RNF150: variants seen among roughly 807,000 people sequenced by gnomAD.
RNF150 encodes the protein ring finger protein 150.
RNF150 carries 24 observed loss-of-function variants against 39.3 expected under a neutral mutation model. The observed-to-expected ratio is 0.61, with a 90% CI of 0.44 to 0.86. The LOEUF is 0.86. Ranked by LOEUF, RNF150 falls within the 40% of genes least tolerant of loss-of-function variation. The pLI, the probability that RNF150 is intolerant of heterozygous loss-of-function variation, is 0.00. For synonymous variants in RNF150, 255 were observed against 227.3 expected (o/e 1.12, Z -1.10); for missense variants, 502 against 587.8 (o/e 0.85, Z 1.51).
At chr4:141,038,270 A>C (rs1439777750) in intron 1 of RNF150, among the ~76,000 whole-genome samples, 1 of 152,214 alleles carries the variant, frequency 6.6e-6, no homozygotes, top group Admixed American at 6.5e-5. Context: ...CTCAGACTGC[A>C]ACCTTGGGTA....
chr4:140,974,995 C>T (rs1348111379), intron 1 of RNF150, among the ~76,000 whole-genome samples: 3 of 152,094 alleles, frequency 2.0e-5, no homozygotes, highest in Non-Finnish European at 4.4e-5. Context: ...GGGTCTCACA[C>T]CTGTAATCTC....
At chr4:140,979,049 C>T (rs1398155258) in intron 1 of RNF150, among the ~76,000 whole-genome samples, 1 of 152,088 alleles carries the variant, frequency 6.6e-6, no homozygotes, top group Non-Finnish European at 1.5e-5. Flanking sequence ...TCCAGGACCC[C>T]CACATATACC....
At chr4:140,987,221 C>T (rs1279017860) in intron 1 of RNF150, among the ~76,000 whole-genome samples, 2 of 152,010 alleles carry the variant, frequency 1.3e-5, no homozygotes, top group East Asian at 1.9e-4. Flanking sequence ...AATACTATTC[C>T]TATCAAAATA....
chr4:140,998,507 T>C (rs1185523253), intron 1 of RNF150, among the ~76,000 whole-genome samples: 3 of 152,172 alleles, frequency 2.0e-5, no homozygotes, highest in African/African-American at 7.2e-5. Flanking sequence ...TAAGTGTCTG[T>C]TGTTTAGGCT....
chr4:141,127,070 T>C (rs1726771604), intron 1 of RNF150, among the ~76,000 whole-genome samples: 2 of 152,134 alleles, frequency 1.3e-5, no homozygotes, highest in East Asian at 1.9e-4. Context: ...GCCTTCAGAA[T>C]ACCCTTTCAA....
chr4:140,986,389 G>A (rs6537024), intron 1 of RNF150, among the ~76,000 whole-genome samples: 28,117 of 151,908 alleles, frequency 0.19, 2,725 homozygotes, highest in Middle Eastern at 0.25. Flanking sequence ...AAATGGTTTT[G>A]TTCTTTCTGA....
intron 1 of RNF150, among the ~76,000 whole-genome samples, chr4:141,100,485 A>C (rs371951973): frequency 1.3e-5 from 2 of 152,212 alleles, no homozygotes; most frequent in East Asian, 1.9e-4. Flanking sequence ...AAGTAATGCT[A>C]TCAAGGACGT....
At chr4:141,037,563 T>C (rs565876960) in intron 1 of RNF150, among the ~76,000 whole-genome samples, 1 of 152,300 alleles carries the variant, frequency 6.6e-6, no homozygotes, top group Admixed American at 6.5e-5. Context: ...TTAGTCCCAG[T>C]TTCCCAATAA....
At chr4:141,087,185 G>A (rs988306919) in intron 1 of RNF150, among the ~76,000 whole-genome samples, 16 of 151,872 alleles carry the variant, frequency 1.1e-4, no homozygotes, top group African/African-American at 3.9e-4. Flanking sequence ...GTTGCCTTGC[G>A]TTCATAAGTT....
intron 6 of RNF150, among the ~76,000 whole-genome samples, chr4:140,879,605 T>C (rs540815180): frequency 6.6e-6 from 1 of 152,264 alleles, no homozygotes; most frequent in East Asian, 1.9e-4. Flanking sequence ...GAAGGATCAC[T>C]TGAGTCCAGG....
At chr4:141,070,493 G>A (rs1425341585) in intron 1 of RNF150, among the ~76,000 whole-genome samples, 3 of 147,872 alleles carry the variant, frequency 2.0e-5, no homozygotes, top group African/African-American at 7.4e-5. Flanking sequence ...CTGACAAAGG[G>A]CTAATATCCA....
At chr4:141,078,394 T>C (rs958816728) in intron 1 of RNF150, among the ~76,000 whole-genome samples, 1 of 152,142 alleles carries the variant, frequency 6.6e-6, no homozygotes, top group Non-Finnish European at 1.5e-5. Context: ...GCTTCTCTGT[T>C]TTGCAAGGGA....
chr4:140,879,183 C>A (rs1454387888), intron 6 of RNF150, among the ~76,000 whole-genome samples: 1 of 152,146 alleles, frequency 6.6e-6, no homozygotes, highest in African/African-American at 2.4e-5. Context: ...GTGAGGCCTT[C>A]AATTTTGTTC....
At chr4:141,160,379 T>C (rs1345349237) in intron 1 of RNF150, among the ~76,000 whole-genome samples, 1 of 152,222 alleles carries the variant, frequency 6.6e-6, no homozygotes, top group Non-Finnish European at 1.5e-5. Flanking sequence ...ATAAATCTTA[T>C]CCCAAGCATC....
At chr4:141,180,405 T>C (rs907144292) in intron 1 of RNF150, among the ~76,000 whole-genome samples, 12 of 152,186 alleles carry the variant, frequency 7.9e-5, no homozygotes, top group Non-Finnish European at 1.0e-4. Flanking sequence ...CTGGGTTTCA[T>C]GCTACCCCAG....
intron 6 of RNF150, among the ~76,000 whole-genome samples, chr4:140,871,512 C>T (rs1321586660): frequency 2.0e-5 from 3 of 152,158 alleles, no homozygotes; most frequent in Admixed American, 6.5e-5. Flanking sequence ...ATTTCCACTT[C>T]TTTTCTTGCA....
chr4:141,032,937 T>A (rs1736008032), intron 1 of RNF150, among the ~76,000 whole-genome samples: 1 of 152,220 alleles, frequency 6.6e-6, no homozygotes, highest in Admixed American at 6.5e-5. Context: ...AGTTATAATC[T>A]TTTTGCCAGT....
At chr4:141,124,129 C>G (rs1460584656) in intron 1 of RNF150, among the ~76,000 whole-genome samples, 2 of 152,174 alleles carry the variant, frequency 1.3e-5, no homozygotes, top group Non-Finnish European at 2.9e-5. Context: ...CTGAGGCGCC[C>G]CACTGCACTC....
rs1401634745 is a variant in RNF150, at chr4:140,956,358, T to C, written c.736-6986A>G. Among the ~76,000 whole-genome samples, 3 of 152,282 alleles carry C rather than the reference T, an allele frequency of 2.0e-5. No homozygotes were observed. In the East Asian group the frequency reaches 5.8e-4, roughly 29 times the overall value. On this transcript the variant is annotated intron_variant, in intron 2 of 6. Transcript: ENST00000515673. ...GTGGCACCTCTAGGGAATGAGGGGA[T>C]ACTTGGCCTTCTGGTGGGGACAGGA...
Sources: allele counts gnomAD v4.1 joint callset (sites outside exome capture counted in the v4.1 genomes callset), GRCh38; gene constraint gnomAD v4.1.1; transcripts MANE v1.5; gene names NCBI Gene and HGNC (gene_info 2026-07-23, HGNC 2026-07-21).